PPP1R14C: variants seen among roughly 807,000 people sequenced by gnomAD.
The protein encoded by PPP1R14C is protein phosphatase 1 regulatory subunit 14C.
PPP1R14C carries 16 observed loss-of-function variants against 20.4 expected under a neutral mutation model. The observed-to-expected ratio is 0.78, with a 90% CI of 0.53 to 1.19. PPP1R14C has a LOEUF of 1.19. PPP1R14C is among the 50% of genes most tolerant of loss of function. The probability of loss-of-function intolerance (pLI) is 0.00; values close to 1 mark genes in which losing one functional copy is unlikely to be tolerated. For missense variants in PPP1R14C, 211 were observed against 220.1 expected (o/e 0.96, Z 0.26); for synonymous variants, 91 against 91.0 (o/e 1.00, Z 0.00).
intron 1 of PPP1R14C, among the ~76,000 whole-genome samples, chr6:150,199,440 CT>C (rs1001004141): frequency 1.3e-5 from 2 of 152,188 alleles, no homozygotes; most frequent in Non-Finnish European, 2.9e-5. Context: ...TCCATTTCAC[CT>C]TCCTCTGATC....
chr6:150,227,607 G>T (rs571001555), intron 3 of PPP1R14C, among the ~76,000 whole-genome samples: 1 of 152,292 alleles, frequency 6.6e-6, no homozygotes, highest in Non-Finnish European at 1.5e-5. Context: ...TCATCTGGCT[G>T]TCATGGGGTT....
chr6:150,168,512 G>C (rs1371588319), intron 1 of PPP1R14C, among the ~76,000 whole-genome samples: 1 of 125,592 alleles, frequency 8.0e-6, no homozygotes, highest in African/African-American at 2.8e-5. Flanking sequence ...CAGCCTGGGC[G>C]AAAGAGCGAG....
At chr6:150,193,448 AG>A (rs1192106375) in intron 1 of PPP1R14C, among the ~76,000 whole-genome samples, 2 of 148,022 alleles carry the variant, frequency 1.4e-5, no homozygotes, top group African/African-American at 5.0e-5. Context: ...TCTGTATCAG[AG>A]TCTGCATTTT....
intron 2 of PPP1R14C, 69 bp from the exon 3 acceptor site, chr6:150,216,755 T>C: frequency 9.3e-7 from 1 of 1,071,210 alleles, no homozygotes; most frequent in Non-Finnish European, 1.4e-6. Context: ...AAATGATTTT[T>C]AATTTTGCCT....
chr6:150,151,441 C>T (rs903200369), intron 1 of PPP1R14C, among the ~76,000 whole-genome samples: 22 of 152,134 alleles, frequency 1.4e-4, no homozygotes, highest in African/African-American at 5.1e-4. Flanking sequence ...GAATATGAGT[C>T]CCCACTGGTC....
At chr6:150,172,699 G>A (rs558492903) in intron 1 of PPP1R14C, among the ~76,000 whole-genome samples, 1 of 152,282 alleles carries the variant, frequency 6.6e-6, no homozygotes, top group South Asian at 2.1e-4. Flanking sequence ...ACTTCTCCTG[G>A]TGGGCAGAGT....
intron 1 of PPP1R14C, among the ~76,000 whole-genome samples, chr6:150,208,145 C>T (rs950113730): frequency 8.5e-5 from 13 of 152,180 alleles, no homozygotes; most frequent in Admixed American, 2.0e-4. Flanking sequence ...ACCTCTCACT[C>T]AGTACTGTTG....
At chr6:150,208,728 A>G (rs1777983945) in intron 1 of PPP1R14C, among the ~76,000 whole-genome samples, 1 of 152,164 alleles carries the variant, frequency 6.6e-6, no homozygotes, top group African/African-American at 2.4e-5. Flanking sequence ...GGCGTGAATG[A>G]GTCATTTATA....
intron 1 of PPP1R14C, among the ~76,000 whole-genome samples, chr6:150,163,506 C>T (rs938941109): frequency 4.4e-4 from 67 of 152,176 alleles, no homozygotes; most frequent in Non-Finnish European, 6.5e-4. Context: ...ACCCACCTTC[C>T]AGATCAGGAA....
At chr6:150,194,857 A>G (rs1777784677) in intron 1 of PPP1R14C, 1 of 985,250 alleles carries the variant, frequency 1.0e-6, no homozygotes, top group Non-Finnish European at 1.2e-6. Flanking sequence ...GAGTACTTAC[A>G]CATGTTGAAT....
At chr6:150,145,805 C>G (rs754262113) in intron 1 of PPP1R14C, among the ~76,000 whole-genome samples, 1 of 152,190 alleles carries the variant, frequency 6.6e-6, no homozygotes, top group Non-Finnish European at 1.5e-5. Flanking sequence ...AATTTCCCAG[C>G]CTTCAAACCT....
intron 1 of PPP1R14C, among the ~76,000 whole-genome samples, chr6:150,211,237 A>G (rs1189312864): frequency 6.6e-6 from 1 of 152,214 alleles, no homozygotes; most frequent in Non-Finnish European, 1.5e-5. Context: ...CCAGGGCCTC[A>G]CTGTGGCTGA....
intron 1 of PPP1R14C, chr6:150,195,255 T>G (rs1372384276): frequency 7.2e-5 from 52 of 721,714 alleles, no homozygotes; most frequent in Non-Finnish European, 8.3e-5. Flanking sequence ...GTGGATACCA[T>G]GTTATACATG....
chr6:150,160,365 C>T (rs563606230), intron 1 of PPP1R14C, among the ~76,000 whole-genome samples: 25 of 150,368 alleles, frequency 1.7e-4, no homozygotes, highest in Non-Finnish European at 2.4e-4. Context: ...CCTGGGTTCA[C>T]GCCATTCTCC....
chr6:150,179,655 A>AG (rs1777599740), intron 1 of PPP1R14C, among the ~76,000 whole-genome samples: 1 of 152,130 alleles, frequency 6.6e-6, no homozygotes, highest in African/African-American at 2.4e-5. Context: ...TAAAAAAAAA[A>AG]AGGGGATAAT....
intron 3 of PPP1R14C, among the ~76,000 whole-genome samples, chr6:150,246,650 G>T (rs980403605): frequency 5.3e-5 from 8 of 152,078 alleles, no homozygotes; most frequent in Admixed American, 1.3e-4. Context: ...CATTCTTCTG[G>T]GATAGCTCTC....
intron 1 of PPP1R14C, among the ~76,000 whole-genome samples, chr6:150,154,093 C>T (rs1777279466): frequency 1.3e-5 from 2 of 152,190 alleles, no homozygotes; most frequent in Admixed American, 1.3e-4. Flanking sequence ...ACAGTTATTT[C>T]GTACATAGTG....
chr6:150,196,846 G>C (rs1777810417), intron 1 of PPP1R14C, among the ~76,000 whole-genome samples: 1 of 152,180 alleles, frequency 6.6e-6, no homozygotes, highest in African/African-American at 2.4e-5. Flanking sequence ...GAATAACACA[G>C]TTGGAGTTTT....
chr6:150,145,246 A>C (rs1261447679), intron 1 of PPP1R14C, among the ~76,000 whole-genome samples: 4 of 152,220 alleles, frequency 2.6e-5, no homozygotes, highest in Non-Finnish European at 4.4e-5. Flanking sequence ...TATATATTTT[A>C]AAGGGTAAAC....
Sources: gnomAD v4.1 joint callset for allele counts (sites outside exome capture counted in the v4.1 genomes callset) on GRCh38, gnomAD v4.1.1 for gene constraint, MANE v1.5 for transcripts, NCBI Gene and HGNC (gene_info 2026-07-23, HGNC 2026-07-21) for gene names.